The following WDR27 variants were observed in gnomAD, a reference collection of about 807,000 sequenced individuals.
WDR27 encodes the protein WD repeat-containing protein 27.
In WDR27, 100 loss-of-function variants were observed where a neutral mutation model predicts 114.4. That is an observed-to-expected ratio of 0.87 (90% confidence interval 0.74 to 1.03). WDR27 has a LOEUF of 1.03. Ranked by LOEUF, WDR27 falls within the 50% of genes least tolerant of loss-of-function variation. WDR27 has a pLI of 0.00. For missense variants in WDR27, 1,129 were observed against 1,092.9 expected (o/e 1.03, Z -0.47); for synonymous variants, 449 against 423.1 (o/e 1.06, Z -0.75).
intron 2 of WDR27, among the ~76,000 whole-genome samples, chr6:169,675,824 G>A (rs1399281433): frequency 1.3e-5 from 2 of 152,036 alleles, no homozygotes; most frequent in Admixed American, 6.6e-5. Flanking sequence ...TTTTCTTATC[G>A]GACTTAAAAG....
At chr6:169,658,939 G>A (rs1185901977) in intron 12 of WDR27, 147 bp downstream of exon 12, 16 of 1,060,464 alleles carry the variant, frequency 1.5e-5, no homozygotes, top group South Asian at 2.7e-5. Context: ...CACCCGCCTC[G>A]GCCTCCCAAA....
At chr6:169,427,561 G>A in the WDR27 span, among the ~76,000 whole-genome samples, 1 of 152,148 alleles carries the variant, frequency 6.6e-6, no homozygotes, top group African/African-American at 2.4e-5. Flanking sequence ...AGAGGACTTG[G>A]GTGAACTCCT....
At chr6:169,634,344 C>T (rs1817156631) in intron 20 of WDR27, 84 bp downstream of exon 20, 1 of 996,086 alleles carries the variant, frequency 1.0e-6, no homozygotes, top group Non-Finnish European at 1.5e-6. Flanking sequence ...ATGCCTGACA[C>T]TCACGAGATG....
chr6:169,441,605 T>C, the WDR27 span, among the ~76,000 whole-genome samples: 2 of 152,224 alleles, frequency 1.3e-5, no homozygotes, highest in African/African-American at 4.8e-5. Flanking sequence ...AAGGCCATTT[T>C]TACGCAGGAG....
chr6:169,695,319 T>C (rs1785606285), intron 1 of WDR27, among the ~76,000 whole-genome samples: 4 of 152,194 alleles, frequency 2.6e-5, no homozygotes, highest in African/African-American at 4.8e-5. Flanking sequence ...CTTTCTGGCC[T>C]GAACAACAAG....
chr6:169,511,136 C>T (rs964059526), intron 25 of WDR27, among the ~76,000 whole-genome samples: 2 of 152,118 alleles, frequency 1.3e-5, no homozygotes, highest in Non-Finnish European at 2.9e-5. Context: ...GACTTTGATA[C>T]AAAAACAAAG....
At chr6:169,520,607 A>G (rs1359786916) in intron 25 of WDR27, among the ~76,000 whole-genome samples, 3 of 152,198 alleles carry the variant, frequency 2.0e-5, no homozygotes. Flanking sequence ...CTCACCAAGA[A>G]TGCAAAGTAG....
At chr6:169,611,269 ATAAAT>A (rs1420217927) in intron 22 of WDR27, among the ~76,000 whole-genome samples, 1 of 151,444 alleles carries the variant, frequency 6.6e-6, no homozygotes, top group African/African-American at 2.4e-5. Context: ...TTCCTCAGTA[ATAAAT>A]TAATATTAGT....
At chr6:169,510,825 G>A (rs1369375606) in intron 25 of WDR27, among the ~76,000 whole-genome samples, 1 of 152,026 alleles carries the variant, frequency 6.6e-6, no homozygotes. Flanking sequence ...TTCTGAATGA[G>A]AACAATTTCT....
the WDR27 span, among the ~76,000 whole-genome samples, chr6:169,445,380 C>A: frequency 6.6e-6 from 1 of 152,016 alleles, no homozygotes; most frequent in Non-Finnish European, 1.5e-5. Flanking sequence ...GAGCCTGGAC[C>A]GCGAAGGTGT....
At chr6:169,619,165 G>C (rs571131762) in intron 21 of WDR27, among the ~76,000 whole-genome samples, 1 of 152,310 alleles carries the variant, frequency 6.6e-6, no homozygotes, top group African/African-American at 2.4e-5. Context: ...ATTTTAAGCA[G>C]TTTCCTAAAG....
rs1377330439 is a variant in WDR27, at chr6:169,659,357, C to T, written c.1197+94G>A. 13 of 1,579,162 alleles carry T rather than the reference C, an allele frequency of 8.2e-6. No homozygotes were observed. Among genetic ancestry groups the T allele is most frequent in the South Asian group, 3.4e-5 (3 of 88,324 alleles). ...TAAAACGTTTTTACACACAAAATCC[C>T]GTTTACTCAGCCAGTCGTTACAGGA... On this transcript the variant is annotated intron_variant, in intron 11 of 25. Coordinates refer to ENST00000448612, the MANE Select transcript of WDR27 (RefSeq NM_182552.5). The surrounding 1 kb of genome is among the most constrained non-coding windows in gnomAD (Gnocchi z 4.3).
chr6:169,593,658 G>C (rs1806199816), intron 23 of WDR27, among the ~76,000 whole-genome samples: 1 of 152,172 alleles, frequency 6.6e-6, no homozygotes, highest in South Asian at 2.1e-4. Flanking sequence ...GACCAGCCTG[G>C]CCAACATAGT....
chr6:169,678,007 A>C (rs1258443359), intron 2 of WDR27, among the ~76,000 whole-genome samples: 1 of 152,238 alleles, frequency 6.6e-6, no homozygotes, highest in Non-Finnish European at 1.5e-5. Context: ...GCAGGAGTGG[A>C]GCCTTCACAG....
At position 169,583,004 on chromosome 6, in the gene WDR27, C is replaced by G. The variant is rs1458724779; in HGVS notation, c.2425-70G>C. ...GGAATCACCTGTAAGCTAGGCAGAG[C>G]AGAGGGACCATCTATAGATTAGTGT... is the stretch of plus-strand genomic sequence containing the variant. On this transcript the variant is annotated intron_variant, in intron 23 of 25. Transcript: ENST00000448612. The G allele has an allele frequency of 2.8e-5, 37 of 1,342,622 alleles. No homozygotes were observed. In the South Asian group the frequency reaches 4.0e-4, roughly 14 times the overall value. The allele number at this position is 1,342,622 out of a possible 1,614,324, so 83.2% of individuals were successfully genotyped here.
intron 25 of WDR27, among the ~76,000 whole-genome samples, chr6:169,491,053 A>G (rs1189057918): frequency 6.6e-6 from 1 of 152,188 alleles, no homozygotes; most frequent in Admixed American, 6.5e-5. Context: ...TAGCAAATCC[A>G]CTCACTGAGA....
chr6:169,460,629 A>G (rs1004880871), intron 25 of WDR27, among the ~76,000 whole-genome samples: 19 of 152,166 alleles, frequency 1.2e-4, no homozygotes, highest in Admixed American at 2.0e-4. Context: ...AAATTCTCCA[A>G]TGAGAAGGCA....
chr6:169,516,194 A>G (rs1018557316), intron 25 of WDR27, among the ~76,000 whole-genome samples: 14 of 152,204 alleles, frequency 9.2e-5, no homozygotes, highest in Non-Finnish European at 1.9e-4. Flanking sequence ...CTTACTCAAC[A>G]TAACAGCTGA....
chr6:169,651,602 G>A (rs932854253), intron 14 of WDR27, among the ~76,000 whole-genome samples: 5 of 152,098 alleles, frequency 3.3e-5, no homozygotes, highest in Admixed American at 6.6e-5. Flanking sequence ...GATGGGCCAC[G>A]TTTGTTTACA....
Sources: gnomAD v4.1 joint callset for allele counts (sites outside exome capture counted in the v4.1 genomes callset) on GRCh38, gnomAD v4.1.1 for gene constraint, Gnocchi (gnomAD v3.1) non-coding constraint, MANE v1.5 for transcripts, NCBI Gene and HGNC (gene_info 2026-07-23, HGNC 2026-07-21) for gene names.